Variants in VPS13A observed in about 807,000 individuals in gnomAD.
The protein encoded by VPS13A is intermembrane lipid transfer protein VPS13A.
In VPS13A, 264 loss-of-function variants were observed where a neutral mutation model predicts 390.9. The ratio of observed to expected loss-of-function variants is 0.68; its 90% confidence interval spans 0.61 to 0.75. VPS13A has a LOEUF of 0.75. VPS13A is among the 30% of genes least tolerant of loss of function. VPS13A has a pLI of 0.00. For synonymous variants in VPS13A, 1,231 were observed against 1,227.1 expected (o/e 1.00, Z -0.07); for missense variants, 3,409 against 3,733.9 (o/e 0.91, Z 2.27).
chr9:77,327,633 ATAT>A (rs563581300), intron 45 of VPS13A, among the ~76,000 whole-genome samples: 108 of 149,634 alleles, frequency 7.2e-4, no homozygotes, highest in African/African-American at 2.3e-3. Flanking sequence ...AGGTTTTCTG[ATAT>A]TATTATTATT....
intron 23 of VPS13A, among the ~76,000 whole-genome samples, chr9:77,266,457 G>T (rs950853703): frequency 6.6e-6 from 1 of 151,914 alleles, no homozygotes; most frequent in Non-Finnish European, 1.5e-5. Context: ...TTAAGAACTT[G>T]CTTTATTCTT....
In VPS13A at chr9:77,334,293, T is replaced by G. The variant is rs184458426; in HGVS notation, c.6095+2180T>G. Among the ~76,000 whole-genome samples the G allele has an allele frequency of 1.0e-3, 156 of 152,306 alleles. No homozygotes were observed. In the Middle Eastern group the frequency reaches 0.02, roughly 20 times the overall value. ...TTTTCTTGCTCCATTTTTATAAATT[T>G]TATCTCCATCTATTAGTTTGATCTG... On this transcript the variant is annotated intron_variant, in intron 46 of 71. Transcript: ENST00000360280.
chr9:77,371,188 G>A, intron 67 of VPS13A, 39 bp downstream of exon 67: 2 of 1,612,498 alleles, frequency 1.2e-6, no homozygotes, highest in East Asian at 2.2e-5. Context: ...TTAAAATGCT[G>A]AAGCCATGAG....
At chr9:77,322,083 T>G (rs745583277) in intron 44 of VPS13A, among the ~76,000 whole-genome samples, 2 of 151,988 alleles carry the variant, frequency 1.3e-5, no homozygotes, top group Non-Finnish European at 2.9e-5. Flanking sequence ...GGGGGTTCTT[T>G]TATTCACATT....
At chr9:77,380,343 C>G (rs532703416) in intron 67 of VPS13A, among the ~76,000 whole-genome samples, 3 of 152,036 alleles carry the variant, frequency 2.0e-5, no homozygotes, top group African/African-American at 4.8e-5. Context: ...GATGGAGTCT[C>G]GCTGTGTCGC....
Position 77,363,952 on chromosome 9 carries a change from G to C in VPS13A, c.8212-1508G>C, listed in dbSNP as rs1157600663. On this transcript the variant is annotated intron_variant, in intron 59 of 71. Transcript: ENST00000360280. ...CTATTTGAGTAACACCCCAGTTTAGGAGCTGAGCACTATGTGTGGTGGGGT... is the reference window on the plus strand; with the variant it reads ...CTATTTGAGTAACACCCCAGTTTAGCAGCTGAGCACTATGTGTGGTGGGGT... Among the ~76,000 whole-genome samples the C allele has an allele frequency of 2.6e-5, 4 of 152,114 alleles. No individual in the cohort carries two copies. In the South Asian group the frequency reaches 6.2e-4, roughly 24 times the overall value.
At chr9:77,219,093 T>C (rs1477348537) in intron 10 of VPS13A, among the ~76,000 whole-genome samples, 1 of 151,958 alleles carries the variant, frequency 6.6e-6, no homozygotes, top group Non-Finnish European at 1.5e-5. Flanking sequence ...CAGAGAAAGG[T>C]TGGAGGATCA....
chr9:77,307,185 G>A (rs1226164050), intron 34 of VPS13A, among the ~76,000 whole-genome samples: 2 of 152,126 alleles, frequency 1.3e-5, no homozygotes, highest in East Asian at 1.9e-4. Flanking sequence ...GCTTACAGGC[G>A]TGACCCATCA....
chr9:77,344,005 A>T, intron 50 of VPS13A, 148 bp from the exon 51 acceptor site: 1 of 699,674 alleles, frequency 1.4e-6, no homozygotes, highest in Non-Finnish European at 2.3e-6. Flanking sequence ...TTGAAAGTTT[A>T]CAGCTGTTTA....
chr9:77,337,753 A>G (rs1027431496), intron 47 of VPS13A: 1 of 503,126 alleles, frequency 2.0e-6, no homozygotes. Flanking sequence ...ATGCTACATT[A>G]TGTTGTATTC....
chr9:77,368,400 T>C (rs1326315920), intron 62 of VPS13A, among the ~76,000 whole-genome samples: 1 of 152,240 alleles, frequency 6.6e-6, no homozygotes, highest in Non-Finnish European at 1.5e-5. Context: ...AATAAAATAT[T>C]AACTAATTTA....
At chr9:77,409,854 A>T (rs1429720266) in intron 71 of VPS13A, among the ~76,000 whole-genome samples, 3 of 151,418 alleles carry the variant, frequency 2.0e-5, no homozygotes, top group Non-Finnish European at 4.4e-5. Flanking sequence ...GAATGGAACC[A>T]AGTTGGAAAA....
chr9:77,373,790 GAAAA>G (rs937719491), intron 67 of VPS13A, among the ~76,000 whole-genome samples: 29 of 151,224 alleles, frequency 1.9e-4, no homozygotes, highest in Non-Finnish European at 4.3e-4. Context: ...AAATTTACAA[GAAAA>G]AAACAAACAA....
rs1157669048 is a variant in VPS13A, at chr9:77,417,780, T to C, written c.*1774T>C. The C allele has an allele frequency of 6.6e-6, 1 of 152,144 alleles. No individual in the cohort carries two copies. Among genetic ancestry groups the C allele is most frequent in the Non-Finnish European group, 1.5e-5 (1 of 68,026 alleles). The allele number at this position is 152,144 out of a possible 1,614,324, so 9.4% of individuals were successfully genotyped here. ...AAAAGCCTTACATAAATAGTAAACA[T>C]AGAAATTCTTCTGGTGCCCTCTGGC... On this transcript the variant is annotated 3_prime_UTR_variant, in exon 72 of 72. Transcript: ENST00000360280.
In VPS13A at chr9:77,370,384, C is replaced by T. The variant is rs556340369; in HGVS notation, c.8744-31C>T. 99 of 1,614,088 alleles carry T rather than the reference C, an allele frequency of 6.1e-5. No individual in the cohort carries two copies. The South Asian group carries it at 9.9e-4, about 16-fold the overall frequency. ...TTTTTGTGCTAGAAAGTAATGGCAT[C>T]ATTACTTTTACTAAAGATAATTTCT... On this transcript the variant is annotated intron_variant, in intron 64 of 71. Transcript: ENST00000360280.
Position 77,220,354 on chromosome 9 carries a change from T to C in VPS13A, c.960T>C (p.Asp320=), listed in dbSNP as rs1823130750. 1 of 1,612,096 alleles carries C rather than the reference T, an allele frequency of 6.2e-7. No homozygotes were observed. Among genetic ancestry groups the C allele is most frequent in the African/African-American group, 1.3e-5 (1 of 74,858 alleles). ...QNLPYRKFKP[D]VPLHHHAREW... ...TGCCATATAGGAAGTTCAAACCTGA[T>C]GTGCCTCTTCACCACCATGCCAGAG... Residue 320 remains aspartate, a synonymous_variant, in exon 12 of 72, where the codon GAT becomes GAC. Transcript: ENST00000360280.
intron 71 of VPS13A, among the ~76,000 whole-genome samples, chr9:77,411,660 CAAAAAAA>C (rs1169254413): frequency 0.07 from 2,391 of 33,950 alleles, 114 homozygotes; most frequent in East Asian, 0.41. Context: ...AACTCCATCT[CAAAAAAA>C]AAAAAAAAAA....
At chr9:77,282,421 C>A in intron 29 of VPS13A, 147 bp downstream of exon 29, 1 of 732,910 alleles carries the variant, frequency 1.4e-6, no homozygotes, top group Non-Finnish European at 2.2e-6. Flanking sequence ...TCATTATATG[C>A]CAGGATAATT....
chr9:77,300,681 G>A (rs1828289042), intron 33 of VPS13A, among the ~76,000 whole-genome samples: 1 of 152,198 alleles, frequency 6.6e-6, no homozygotes, highest in South Asian at 2.1e-4. Flanking sequence ...GCAGTGACCT[G>A]TGTTAATGCC....
Sources: gnomAD v4.1 joint callset for allele counts (sites outside exome capture counted in the v4.1 genomes callset) on GRCh38, gnomAD v4.1.1 for gene constraint, MANE v1.5 for transcripts, NCBI Gene and HGNC (gene_info 2026-07-23, HGNC 2026-07-21) for gene names.